PDGFC: variants seen among roughly 807,000 people sequenced by gnomAD.
PDGFC encodes the protein platelet-derived growth factor C.
In PDGFC, 12 loss-of-function variants were observed where a neutral mutation model predicts 35.5. That is an observed-to-expected ratio of 0.34 (90% confidence interval 0.22 to 0.55). PDGFC has a LOEUF of 0.55. Ranked by LOEUF, PDGFC falls within the 20% of genes least tolerant of loss-of-function variation. PDGFC has a pLI of 0.91. For synonymous variants in PDGFC, 159 were observed against 148.8 expected, an observed-to-expected ratio of 1.07 and a Z score of -0.50; for missense variants, 322 against 412.4, an observed-to-expected ratio of 0.78 and a Z score of 1.90.
chr4:156,860,259 G>T (rs1225629677), intron 1 of PDGFC, among the ~76,000 whole-genome samples: 1 of 152,126 alleles, frequency 6.6e-6, no homozygotes, highest in Non-Finnish European at 1.5e-5. Flanking sequence ...AGAGTTATCT[G>T]TCAGACTGGA....
At chr4:156,948,954 C>A (rs1212542738) in intron 1 of PDGFC, among the ~76,000 whole-genome samples, 2 of 151,886 alleles carry the variant, frequency 1.3e-5, no homozygotes, top group Non-Finnish European at 2.9e-5. Context: ...TATTGCTCTA[C>A]TGGCTAGCCA....
intron 2 of PDGFC, among the ~76,000 whole-genome samples, chr4:156,813,184 CA>C (rs1234960210): frequency 2.6e-5 from 4 of 152,108 alleles, no homozygotes; most frequent in African/African-American, 9.6e-5. Flanking sequence ...ATTTTTACAT[CA>C]GGGTTGTCTA....
chr4:156,850,902 G>T (rs777517752), intron 1 of PDGFC, among the ~76,000 whole-genome samples: 1 of 152,148 alleles, frequency 6.6e-6, no homozygotes, highest in Non-Finnish European at 1.5e-5. Context: ...AATAAGAAGG[G>T]TATTAAGATA....
chr4:156,888,959 A>C (rs1372163000), intron 1 of PDGFC, among the ~76,000 whole-genome samples: 1 of 152,144 alleles, frequency 6.6e-6, no homozygotes, highest in Non-Finnish European at 1.5e-5. Flanking sequence ...GAGGTATTCT[A>C]ATGTTGTGTA....
intron 1 of PDGFC, among the ~76,000 whole-genome samples, chr4:156,948,305 T>C (rs980091021): frequency 6.6e-6 from 1 of 151,718 alleles, no homozygotes; most frequent in African/African-American, 2.4e-5. Context: ...AACTCTTAGG[T>C]CTTGTGAAAA....
At chr4:156,854,551 C>T (rs1395804145) in intron 1 of PDGFC, among the ~76,000 whole-genome samples, 2 of 152,066 alleles carry the variant, frequency 1.3e-5, no homozygotes, top group Admixed American at 6.5e-5. Flanking sequence ...TGCCACCAAA[C>T]ACTTATGATT....
At chr4:156,903,221 C>T (rs1033883537) in intron 1 of PDGFC, among the ~76,000 whole-genome samples, 9 of 151,638 alleles carry the variant, frequency 5.9e-5, no homozygotes, top group Admixed American at 6.6e-5. Flanking sequence ...ATTAAACTTA[C>T]ATACAAATAC....
intron 1 of PDGFC, among the ~76,000 whole-genome samples, chr4:156,970,562 C>G (rs1325485982): frequency 2.0e-5 from 3 of 152,242 alleles, no homozygotes; most frequent in African/African-American, 7.2e-5. Flanking sequence ...CCTCACTCAG[C>G]AGTGGCACTC....
intron 4 of PDGFC, among the ~76,000 whole-genome samples, chr4:156,771,301 T>C (rs1490683721): frequency 2.6e-5 from 4 of 152,142 alleles, no homozygotes; most frequent in Non-Finnish European, 4.4e-5. Context: ...GATCTCAGTT[T>C]AGAACCTGAT....
At chr4:156,832,589 G>A (rs1209017898) in intron 2 of PDGFC, among the ~76,000 whole-genome samples, 4 of 152,122 alleles carry the variant, frequency 2.6e-5, no homozygotes, top group Non-Finnish European at 5.9e-5. Flanking sequence ...TGGTATATAA[G>A]CCACATATAC....
At position 156,929,579 on chromosome 4, in the gene PDGFC, T is replaced by C. The variant is rs144244515; in HGVS notation, c.118+41207A>G. On this transcript the variant is annotated intron_variant, in intron 1 of 5. Transcript: ENST00000502773. ...TCTCTTCTTACAGCCTTCCGGAATATACCAAAACACAAAAGAGTTATCCAA... is the reference window on the plus strand; with the variant it reads ...TCTCTTCTTACAGCCTTCCGGAATACACCAAAACACAAAAGAGTTATCCAA... Among the ~76,000 whole-genome samples the C allele has an allele frequency of 3.5e-3, 533 of 152,174 alleles. 4 individuals carry two copies. The highest frequency in any genetic ancestry group is 0.012 in the African/African-American group (501 of 41,528).
chr4:156,849,650 A>G (rs1729406042), intron 2 of PDGFC, among the ~76,000 whole-genome samples: 2 of 152,096 alleles, frequency 1.3e-5, no homozygotes, highest in African/African-American at 4.8e-5. Context: ...TTCTAGGATA[A>G]TTATGACGAA....
intron 1 of PDGFC, among the ~76,000 whole-genome samples, chr4:156,862,000 G>A (rs1729723775): frequency 6.6e-6 from 1 of 152,054 alleles, no homozygotes; most frequent in African/African-American, 2.4e-5. Flanking sequence ...TAGTCCTCCC[G>A]ATGGTGAGTT....
intron 1 of PDGFC, among the ~76,000 whole-genome samples, chr4:156,904,156 A>C (rs1730858928): frequency 6.6e-6 from 1 of 152,114 alleles, no homozygotes; most frequent in Non-Finnish European, 1.5e-5. Flanking sequence ...GAGGGAAATA[A>C]GGCAATATCA....
intron 3 of PDGFC, among the ~76,000 whole-genome samples, chr4:156,792,059 T>A (rs1276443722): frequency 6.6e-6 from 1 of 152,186 alleles, no homozygotes; most frequent in Non-Finnish European, 1.5e-5. Context: ...TTAACATCTG[T>A]AAAAAATTTC....
At chr4:156,867,255 A>G (rs1056326944) in intron 1 of PDGFC, among the ~76,000 whole-genome samples, 3 of 152,198 alleles carry the variant, frequency 2.0e-5, no homozygotes, top group Non-Finnish European at 4.4e-5. Flanking sequence ...TCAACAATCA[A>G]CAAATACTCA....
chr4:156,819,532 A>G (rs919773431), intron 2 of PDGFC, among the ~76,000 whole-genome samples: 4 of 152,224 alleles, frequency 2.6e-5, no homozygotes, highest in Non-Finnish European at 5.9e-5. Flanking sequence ...ACATTTGTTT[A>G]CAGCATGGTT....
At position 156,958,693 on chromosome 4, in the gene PDGFC, T is replaced by C. The variant is rs967766390; in HGVS notation, c.118+12093A>G. ...CATTGCCACTAGTCATCACCATTAA[T>C]GCGCAGCACAACATATTTTTATACA... is the stretch of plus-strand genomic sequence containing the variant. On this transcript the variant is annotated intron_variant, in intron 1 of 5. Coordinates refer to ENST00000502773, the MANE Select transcript of PDGFC (RefSeq NM_016205.3). Among the ~76,000 whole-genome samples the C allele has an allele frequency of 5.9e-5, 9 of 152,218 alleles. No homozygotes were observed. In the South Asian group the frequency reaches 1.0e-3, roughly 18 times the overall value.
Sources: gnomAD v4.1 joint callset for allele counts (sites outside exome capture counted in the v4.1 genomes callset) on GRCh38, gnomAD v4.1.1 for gene constraint, MANE v1.5 for transcripts, NCBI Gene and HGNC (gene_info 2026-07-23, HGNC 2026-07-21) for gene names.